Variants in LMF1 observed in about 807,000 individuals in gnomAD.
LMF1 encodes lipase maturation factor 1.
A neutral mutation model predicts 60.6 loss-of-function variants in LMF1; 68 were observed. That is an observed-to-expected ratio of 1.12 (90% CI 0.92 to 1.37). The LOEUF is 1.37. LMF1 is among the 40% of genes most tolerant of loss of function. LMF1 has a pLI of 0.00. For synonymous variants in LMF1, 418 were observed against 324.7 expected (o/e 1.29, Z -3.09); for missense variants, 948 against 767.2 (o/e 1.24, Z -2.78).
In LMF1 at chr16:934,634, A is replaced by C. The variant is rs538118271; in HGVS notation, c.504-380T>G. Reference sequence around the variant, plus strand: ...CATCACATGACCTCGAGCGCAGCTCATTAGAAAAGGGATCTTAAATGAAAG... The same window carrying C: ...CATCACATGACCTCGAGCGCAGCTCCTTAGAAAAGGGATCTTAAATGAAAG... On this transcript the variant is annotated intron_variant, in intron 2 of 10. Transcript: ENST00000262301. 6 of 295,062 alleles carry C rather than the reference A, an allele frequency of 2.0e-5. No homozygotes were observed. In the Admixed American group the frequency reaches 3.0e-4, roughly 15 times the overall value. The allele number at this position is 295,062 out of a possible 1,614,324, so 18.3% of individuals were successfully genotyped here.
At chr16:888,775 A>G (rs2070388067) in intron 5 of LMF1, among the ~76,000 whole-genome samples, 2 of 152,020 alleles carry the variant, frequency 1.3e-5, no homozygotes, top group African/African-American at 4.8e-5. Flanking sequence ...GTGTGGGGAG[A>G]GCGAGGACAC....
At chr16:971,035 TTCTCGGAGGC>T (rs2073042007), upstream of LMF1, 1 of 1,349,248 alleles carries the variant, frequency 7.4e-7, no homozygotes, top group African/African-American at 1.6e-5. Flanking sequence ...GCCCCGCCCA[TTCTCGGAGGC>T]CCCGCCTCTC....
chr16:931,544 C>A (rs1764464500), intron 3 of LMF1: 20 of 1,060,674 alleles, frequency 1.9e-5, no homozygotes, highest in Non-Finnish European at 2.5e-5. Flanking sequence ...CGAACGAGGC[C>A]ACAGGAAAGG....
At chr16:906,473 C>A (rs1233667231) in intron 4 of LMF1, among the ~76,000 whole-genome samples, 1 of 152,184 alleles carries the variant, frequency 6.6e-6, no homozygotes, top group Non-Finnish European at 1.5e-5. Flanking sequence ...CAGCCCGCAT[C>A]TTTCTTCTGT....
chr16:967,507 G>A (rs543110974), intron 1 of LMF1, among the ~76,000 whole-genome samples: 1 of 152,136 alleles, frequency 6.6e-6, no homozygotes, highest in Non-Finnish European at 1.5e-5. Flanking sequence ...ATGGGCGGCC[G>A]GCACTGCCCC....
chr16:876,519 C>T lies in LMF1; in HGVS notation c.897+3051G>A, dbSNP rs543777790. Among the ~76,000 whole-genome samples the T allele has an allele frequency of 2.6e-5, 4 of 152,286 alleles. No homozygotes were observed. The South Asian group carries it at 8.3e-4, about 32-fold the overall frequency. On this transcript the variant is annotated intron_variant, in intron 6 of 10. Transcript: ENST00000262301. ...CAACTATACAAGGTCCTGGCCGATG[C>T]AAGACGCTGAGCGCAGGGAAACTGG...
In LMF1 at chr16:855,309, C is replaced by T. The variant is rs138899522; in HGVS notation, c.1530-603G>A. 1.1e-3 allele frequency: 298 copies of T among 268,032 alleles called. 2 individuals carry two copies. Among genetic ancestry groups the T allele is most frequent in the African/African-American group, 6.3e-3 (283 of 44,780 alleles). The allele number at this position is 268,032 out of a possible 1,614,324, so 16.6% of individuals were successfully genotyped here. ...GCTGGCTGCTCTCCTCTGTCATGCC[C>T]GAGTGGGATGAAGGCCCCCACCCCC... On this transcript the variant is annotated intron_variant, in intron 10 of 10. Transcript: ENST00000262301.
chr16:949,976 GAGCCAACGACAGAGTC>G (rs1224422357), intron 2 of LMF1, among the ~76,000 whole-genome samples: 4 of 143,048 alleles, frequency 2.8e-5, no homozygotes, highest in Non-Finnish European at 6.0e-5. Flanking sequence ...GACAGAGTCA[GAGCCAACGACAGAGTC>G]AGCCAACGAC....
intron 10 of LMF1, among the ~76,000 whole-genome samples, chr16:856,915 A>G (rs1596821318): frequency 6.6e-6 from 1 of 152,252 alleles, no homozygotes; most frequent in East Asian, 1.9e-4. Flanking sequence ...CTGAGGCCAC[A>G]GACACGGGTC....
chr16:880,379 A>G (rs2070127518), intron 5 of LMF1, among the ~76,000 whole-genome samples: 1 of 152,190 alleles, frequency 6.6e-6, no homozygotes, highest in South Asian at 2.1e-4. Flanking sequence ...ACCATAATTC[A>G]AAACTATCAA....
At chr16:946,462 G>C (rs911870820) in intron 2 of LMF1, among the ~76,000 whole-genome samples, 1 of 152,206 alleles carries the variant, frequency 6.6e-6, no homozygotes, top group South Asian at 2.1e-4. Context: ...CCACGGCCAC[G>C]CTGTCCTGTG....
At chr16:965,665 G>A (rs1435451199) in intron 1 of LMF1, among the ~76,000 whole-genome samples, 1 of 152,172 alleles carries the variant, frequency 6.6e-6, no homozygotes, top group Admixed American at 6.5e-5. Context: ...ATACACTCCA[G>A]CAAAAAGAGA....
Position 955,886 on chromosome 16 carries a change from G to C in LMF1, c.194-1220C>G, listed in dbSNP as rs117741575. Among the ~76,000 whole-genome samples, 238 of 151,636 alleles carry C rather than the reference G, an allele frequency of 1.6e-3. 9 individuals carry two copies. The East Asian group carries it at 0.042, about 27-fold the overall frequency. The stretch of plus-strand genomic sequence containing the variant: ...CTTGACACTTACTGCCTATAGGTGA[G>C]CCACACTTGCCCTCTACGCAGACCA... On this transcript the variant is annotated intron_variant, in intron 1 of 10. Coordinates refer to ENST00000262301, the MANE Select transcript of LMF1 (RefSeq NM_022773.4).
chr16:868,917 T>C, intron 10 of LMF1, 27 bp downstream of exon 10: 1 of 1,449,390 alleles, frequency 6.9e-7, no homozygotes, highest in African/African-American at 1.4e-5. Flanking sequence ...GGGAGACCCC[T>C]GAGCAGCGGC....
intron 10 of LMF1, among the ~76,000 whole-genome samples, chr16:860,305 C>T (rs905811140): frequency 1.3e-5 from 2 of 151,758 alleles, no homozygotes; most frequent in African/African-American, 4.8e-5. Context: ...CTCTGCCTGG[C>T]CCTAGATCCC....
intron 6 of LMF1, among the ~76,000 whole-genome samples, chr16:875,427 G>C (rs1427004275): frequency 6.6e-6 from 1 of 152,164 alleles, no homozygotes; most frequent in African/African-American, 2.4e-5. Flanking sequence ...ACGTTTTTGA[G>C]GCCTCTGGTT....
At chr16:867,065 AG>A (rs1444034394) in intron 10 of LMF1, among the ~76,000 whole-genome samples, 1 of 152,234 alleles carries the variant, frequency 6.6e-6, no homozygotes, top group African/African-American at 2.4e-5. Flanking sequence ...AACTCAATGC[AG>A]GCCCACGGTT....
intron 4 of LMF1, chr16:903,943 C>T (rs1198590321): frequency 5.5e-5 from 8 of 144,908 alleles, no homozygotes; most frequent in South Asian, 1.2e-4. Context: ...GCCCACAGGA[C>T]GCCTGTCTCT....
rs567256738 is a variant in LMF1, at chr16:980,978, G to A, written c.-135+167C>T. 2.9e-3 allele frequency: 437 copies of A among 152,406 alleles called. 4 individuals carry two copies. The highest frequency in any genetic ancestry group is 0.024 in the Middle Eastern group (7 of 294). 9.4% of individuals were successfully genotyped at this position (152,406 alleles called of 1,614,324 possible). On this transcript the variant is annotated intron_variant, in intron 1 of 6. Coordinates refer to the LMF1 transcript ENST00000570014. The stretch of plus-strand genomic sequence containing the variant: ...CACGCCATCCGCCCGGCGGCCCCAG[G>A]GACTCAGCGCCGGGGTCAGCGCAGG...
Sources: allele counts gnomAD v4.1 joint callset (sites outside exome capture counted in the v4.1 genomes callset), GRCh38; gene constraint gnomAD v4.1.1; transcripts MANE v1.5; gene names NCBI Gene and HGNC (gene_info 2026-07-23, HGNC 2026-07-21).